CMC2: variants seen among roughly 807,000 people sequenced by gnomAD.
CMC2 encodes the protein COX assembly mitochondrial protein 2 homolog.
Under a neutral mutation model 7.5 loss-of-function variants are expected in CMC2, and 5 were observed. That is an observed-to-expected ratio of 0.66 (90% CI 0.35 to 1.40). The LOEUF is 1.40. Among genes scored for constraint, CMC2 ranks in the 40% most tolerant of loss-of-function variants. CMC2 has a pLI of 0.04. For missense variants in CMC2, 115 were observed against 92.3 expected, an observed-to-expected ratio of 1.25 and a Z score of -1.01; for synonymous variants, 37 against 31.4, an observed-to-expected ratio of 1.18 and a Z score of -0.60.
intron 1 of CMC2, among the ~76,000 whole-genome samples, chr16:81,001,899 C>G (rs1258950459): frequency 6.6e-6 from 1 of 151,990 alleles, no homozygotes; most frequent in Admixed American, 6.6e-5. Context: ...GCCATTGCAC[C>G]TAGTTAAGTA....
rs1464340242 is a variant in CMC2 at position 80,974,343 on chromosome 16, A to G, written c.*1750T>C. ...CCTCCAATTTATCCCCCAAACTATA[A>G]CCAAAAAAACTTACTAAAATACAAA... is the stretch of plus-strand genomic sequence containing the variant. On this transcript the variant is annotated 3_prime_UTR_variant, in exon 4 of 4. Coordinates refer to ENST00000219400, the MANE Select transcript of CMC2 (RefSeq NM_020188.5). 2.0e-5 allele frequency: 3 copies of G among 152,058 alleles called. No homozygotes were observed. Among genetic ancestry groups the G allele is most frequent in the Admixed American group, 1.3e-4 (2 of 15,258 alleles). The allele number at this position is 152,058 out of a possible 1,614,324, so 9.4% of individuals were successfully genotyped here.
At chr16:80,979,060 G>T (rs1650500854) in intron 3 of CMC2, among the ~76,000 whole-genome samples, 1 of 151,678 alleles carries the variant, frequency 6.6e-6, no homozygotes, top group East Asian at 1.9e-4. Context: ...CAGCCTGGGT[G>T]ACAGAGTGAG....
chr16:81,006,756 G>A lies in CMC2; in HGVS notation c.-58C>T. 7 of 985,730 alleles carry A rather than the reference G, an allele frequency of 7.1e-6. No individual in the cohort carries two copies. The highest frequency in any genetic ancestry group is 8.4e-6 in the Non-Finnish European group (7 of 830,172). 61.1% of individuals were successfully genotyped at this position (985,730 alleles called of 1,614,324 possible). A position where few individuals can be genotyped will look rare whatever the true frequency, so the allele number is the denominator to read the frequency against. On this transcript the variant is annotated 5_prime_UTR_variant, in exon 1 of 4. Transcript: ENST00000219400. ...CACCCGACTCGTGGCCACACCGGGA[G>A]AACTGAAGCGGCAGTAGCCGGCGGA... is the stretch of plus-strand genomic sequence containing the variant.
chr16:80,978,528 G>A (rs1053610151), intron 3 of CMC2: 2 of 411,226 alleles, frequency 4.9e-6, no homozygotes, highest in Non-Finnish European at 8.5e-6. Context: ...CAATTAAGAG[G>A]GACAAAAGAG....
chr16:80,991,025 C>CTT (rs34157796), intron 2 of CMC2, among the ~76,000 whole-genome samples: 4 of 142,190 alleles, frequency 2.8e-5, no homozygotes, highest in Non-Finnish European at 4.6e-5. Context: ...CCAAGCCTGG[C>CTT]TTTTTTTTTT....
At position 81,006,793 on chromosome 16, in the gene CMC2, C is replaced by A; in HGVS notation, c.-95G>T. ...CAGTAGCCGGCGGAGACGCCCGACC[C>A]GAAGGCCGGCTGCTAGGGAGCAGAC... On this transcript the variant is annotated 5_prime_UTR_variant, in exon 1 of 4. Transcript: ENST00000219400. The A allele has an allele frequency of 2.0e-6, 2 of 985,654 alleles. No individual in the cohort carries two copies. The highest frequency in any genetic ancestry group is 2.4e-6 in the Non-Finnish European group (2 of 830,114). 61.1% of individuals were successfully genotyped at this position (985,654 alleles called of 1,614,324 possible).
At position 80,975,724 on chromosome 16, in the gene CMC2, C is replaced by G. The variant is rs1912242686; in HGVS notation, c.*369G>C. The stretch of plus-strand genomic sequence containing the variant: ...GGATTTCCCCAGAATTCTTCAACAT[C>G]ATGTTGTCAAAAAGAAAAAGCCTAA... On this transcript the variant is annotated 3_prime_UTR_variant, in exon 4 of 4. Transcript: ENST00000219400. The G allele has an allele frequency of 6.2e-6, 1 of 160,304 alleles. No homozygotes were observed. The highest frequency in any genetic ancestry group is 1.4e-5 in the Non-Finnish European group (1 of 73,432). 9.9% of individuals were successfully genotyped at this position (160,304 alleles called of 1,614,324 possible).
chr16:81,006,866 C>A lies in CMC2; in HGVS notation c.-168G>T. 1 of 986,100 alleles carries A rather than the reference C, an allele frequency of 1.0e-6. No individual in the cohort carries two copies. The highest frequency in any genetic ancestry group is 1.2e-6 in the Non-Finnish European group (1 of 830,460). 61.1% of individuals were successfully genotyped at this position (986,100 alleles called of 1,614,324 possible). A position where few individuals can be genotyped will look rare whatever the true frequency, so the allele number is the denominator to read the frequency against. ...CGAAACCCAGTGACGCCCTCCACCGCTCCACCGTGCTCCCGGCTCCTCGCC... is the reference window on the plus strand; with the variant it reads ...CGAAACCCAGTGACGCCCTCCACCGATCCACCGTGCTCCCGGCTCCTCGCC... On this transcript the variant is annotated 5_prime_UTR_variant, in exon 1 of 4. Transcript: ENST00000219400.
At chr16:81,002,572 G>T (rs975067536) in intron 1 of CMC2, among the ~76,000 whole-genome samples, 1 of 152,190 alleles carries the variant, frequency 6.6e-6, no homozygotes, top group African/African-American at 2.4e-5. Flanking sequence ...ACAAGCTTAT[G>T]ATGTACTGAA....
chr16:80,990,686 C>A (rs753643744), intron 2 of CMC2, among the ~76,000 whole-genome samples: 4 of 152,202 alleles, frequency 2.6e-5, no homozygotes, highest in Non-Finnish European at 5.9e-5. Flanking sequence ...CGAAATATAT[C>A]CTGGAAGTCA....
chr16:80,974,081 C>G lies in CMC2; in HGVS notation c.*2012G>C, dbSNP rs1331973488. On this transcript the variant is annotated 3_prime_UTR_variant, in exon 4 of 4. Coordinates refer to ENST00000219400, the MANE Select transcript of CMC2 (RefSeq NM_020188.5). Reference sequence around the variant, plus strand: ...GCAGCAACCCGGAAGCCCTCTCCCGCTGGATCCTCCACACACACTTCACCT... The same window carrying G: ...GCAGCAACCCGGAAGCCCTCTCCCGGTGGATCCTCCACACACACTTCACCT... 5 of 152,258 alleles carry G rather than the reference C, an allele frequency of 3.3e-5. No homozygotes were observed. Among genetic ancestry groups the G allele is most frequent in the Admixed American group, 2.0e-4 (3 of 15,266 alleles). The allele number at this position is 152,258 out of a possible 1,614,324, so 9.4% of individuals were successfully genotyped here. A position where few individuals can be genotyped will look rare whatever the true frequency, so the allele number is the denominator to read the frequency against.
At chr16:80,997,064 T>A (rs1968478976) in intron 2 of CMC2, 1 of 547,840 alleles carries the variant, frequency 1.8e-6, no homozygotes, top group Non-Finnish European at 3.4e-6. Context: ...AGAACATGGA[T>A]TCCAACTGTT....
At chr16:80,991,790 C>T (rs2151636455) in intron 2 of CMC2, 1 of 365,704 alleles carries the variant, frequency 2.7e-6, no homozygotes. Context: ...TGATCCCAAT[C>T]CAATTATGAG....
At position 80,971,812 on chromosome 16, in the gene CMC2, T is replaced by C. The variant is rs1309295916; in HGVS notation, c.*4281A>G. 2 of 152,060 alleles carry C rather than the reference T, an allele frequency of 1.3e-5. No individual in the cohort carries two copies. The highest frequency in any genetic ancestry group is 1.9e-4 in the East Asian group (1 of 5,190). The allele number at this position is 152,060 out of a possible 1,614,324, so 9.4% of individuals were successfully genotyped here. A position where few individuals can be genotyped will look rare whatever the true frequency, so the allele number is the denominator to read the frequency against. On this transcript the variant is annotated 3_prime_UTR_variant, in exon 4 of 4. Transcript: ENST00000219400. The stretch of plus-strand genomic sequence containing the variant: ...GAGTGTTCGTATTAGTCTGTATAGT[T>C]TTCTGTAAACCTGAAACATTTTGTC...
intron 2 of CMC2, chr16:80,982,790 C>G (rs775734382): frequency 1.3e-5 from 2 of 152,984 alleles, no homozygotes; most frequent in Non-Finnish European, 2.9e-5. Context: ...CTACAATTAT[C>G]CACTTATAAC....
In CMC2 at chr16:80,969,166, G is replaced by A. The variant is rs991635927; in HGVS notation, c.*6927C>T. On this transcript the variant is annotated 3_prime_UTR_variant, in exon 4 of 4. Transcript: ENST00000219400. ...CTATCTTTTTTATGATATAAAAAGGGCAGGAGGAGAGACAGTATTTACAAC... is the reference window on the plus strand; with the variant it reads ...CTATCTTTTTTATGATATAAAAAGGACAGGAGGAGAGACAGTATTTACAAC... 1.3e-5 allele frequency: 2 copies of A among 152,194 alleles called. No individual in the cohort carries two copies. The highest frequency in any genetic ancestry group is 2.4e-5 in the African/African-American group (1 of 41,440). 9.4% of individuals were successfully genotyped at this position (152,194 alleles called of 1,614,324 possible).
At chr16:80,985,749 G>A (rs1027525900) in intron 2 of CMC2, among the ~76,000 whole-genome samples, 15 of 151,918 alleles carry the variant, frequency 9.9e-5, no homozygotes, top group African/African-American at 3.6e-4. Context: ...CCAGGAAAGG[G>A]AAAAGGAAAC....
intron 1 of CMC2, among the ~76,000 whole-genome samples, chr16:81,003,736 G>A (rs1357583073): frequency 6.6e-6 from 1 of 152,196 alleles, no homozygotes; most frequent in Non-Finnish European, 1.5e-5. Flanking sequence ...AGCAGCCAAC[G>A]TAATACTATC....
intron 2 of CMC2, among the ~76,000 whole-genome samples, chr16:80,987,866 C>T (rs1057307439): frequency 2.0e-5 from 3 of 152,152 alleles, no homozygotes; most frequent in East Asian, 1.9e-4. Flanking sequence ...ATAATTCACT[C>T]GATTTATTAA....
Sources: gnomAD v4.1 joint callset for allele counts (sites outside exome capture counted in the v4.1 genomes callset) on GRCh38, gnomAD v4.1.1 for gene constraint, MANE v1.5 for transcripts, NCBI Gene and HGNC (gene_info 2026-07-23, HGNC 2026-07-21) for gene names.